The following BRI3 variants were observed in gnomAD, a reference collection of about 807,000 sequenced individuals.
BRI3 encodes the protein brain protein I3, also known as membrane protein BRI3.
Under a neutral mutation model 12.8 loss-of-function variants are expected in BRI3, and 6 were observed. The ratio of observed to expected loss-of-function variants is 0.47; its 90% CI spans 0.26 to 0.93. The LOEUF (loss-of-function observed/expected upper bound fraction) is 0.93. Among genes scored for constraint, BRI3 ranks in the 40% least tolerant of loss-of-function variants. The pLI, the probability that BRI3 is intolerant of heterozygous loss-of-function variation, is 0.15. For synonymous variants in BRI3, 91 were observed against 76.1 expected, an observed-to-expected ratio of 1.20 and a Z score of -1.02; for missense variants, 134 against 171.1, an observed-to-expected ratio of 0.78 and a Z score of 1.21.
downstream of BRI3, chr7:98,292,614 G>C: frequency 9.7e-6 from 15 of 1,551,246 alleles, no homozygotes; most frequent in Non-Finnish European, 1.2e-5. Context: ...ATGGCTGCTA[G>C]GCTGAAAAAC....
chr7:98,308,656 A>G, exon 2 of BRI3: 1 of 230,884 alleles, frequency 4.3e-6, no homozygotes, highest in Non-Finnish European at 8.8e-6. Flanking sequence ...AGGGGAAAAA[A>G]GGTAGAAAAA....
the BRI3 span, among the ~76,000 whole-genome samples, chr7:98,318,554 C>G: frequency 6.6e-6 from 1 of 150,636 alleles, no homozygotes; most frequent in East Asian, 2.0e-4. Flanking sequence ...GCTGGGATTA[C>G]AGGCGTGAGC....
At chr7:98,310,180 A>G in exon 2 of BRI3, 1 of 392,788 alleles carries the variant, frequency 2.5e-6, no homozygotes. Flanking sequence ...ATAATTCTCA[A>G]CAGTATGTTT....
At chr7:98,310,625 T>C (rs746378034), downstream of BRI3, 1 of 1,510,440 alleles carries the variant, frequency 6.6e-7, no homozygotes, top group South Asian at 1.3e-5. Flanking sequence ...CCAATATTAG[T>C]ATAGTGCAGA....
chr7:98,310,440 C>T, exon 2 of BRI3: 9 of 1,583,016 alleles, frequency 5.7e-6, no homozygotes, highest in Non-Finnish European at 7.7e-6. Context: ...GACTGAATCT[C>T]TTACCTGTTG....
At chr7:98,293,568 G>A, downstream of BRI3, 1 of 1,613,940 alleles carries the variant, frequency 6.2e-7, no homozygotes, top group Non-Finnish European at 8.5e-7. Flanking sequence ...GTCGGGCGGA[G>A]TTTCACAGTG....
At chr7:98,282,740 A>T in intron 2 of BRI3, 1 of 378,746 alleles carries the variant, frequency 2.6e-6, no homozygotes, top group East Asian at 5.1e-5. Context: ...AATGGTAACA[A>T]CGGGACTCGT....
intron 1 of BRI3, among the ~76,000 whole-genome samples, chr7:98,301,270 C>T (rs559364699): frequency 3.1e-4 from 47 of 152,306 alleles, no homozygotes; most frequent in African/African-American, 1.1e-3. Flanking sequence ...CTGGATGGGC[C>T]TTCTCATCGA....
the BRI3 span, among the ~76,000 whole-genome samples, chr7:98,322,061 A>C: frequency 6.6e-6 from 1 of 152,048 alleles, no homozygotes; most frequent in Non-Finnish European, 1.5e-5. Flanking sequence ...GCGCCACTGC[A>C]CTCCAGCCTG....
At chr7:98,318,722 A>C in the BRI3 span, among the ~76,000 whole-genome samples, 81 of 151,074 alleles carry the variant, frequency 5.4e-4, no homozygotes, top group African/African-American at 1.8e-3. Context: ...AGGCAGGTGC[A>C]CCACGAGGTC....
At chr7:98,302,039 G>A (rs953030087), upstream of BRI3, among the ~76,000 whole-genome samples, 1 of 152,174 alleles carries the variant, frequency 6.6e-6, no homozygotes, top group African/African-American at 2.4e-5. Flanking sequence ...CCGTGCGCTG[G>A]CAGTCTCCCG....
At chr7:98,320,176 C>T in the BRI3 span, 1 of 1,590,916 alleles carries the variant, frequency 6.3e-7, no homozygotes, top group Non-Finnish European at 8.6e-7. Context: ...AGATTTTAAG[C>T]AAAATAAGTT....
chr7:98,295,846 G>A (rs778533638), downstream of BRI3, among the ~76,000 whole-genome samples: 4 of 152,270 alleles, frequency 2.6e-5, no homozygotes, highest in African/African-American at 2.4e-5. Flanking sequence ...CACAAAGAAC[G>A]CAGCAAGAAG....
the BRI3 span, among the ~76,000 whole-genome samples, chr7:98,316,416 T>C: frequency 7.2e-5 from 11 of 152,196 alleles, no homozygotes; most frequent in African/African-American, 2.4e-4. Flanking sequence ...TCCCTTCTTC[T>C]TTCAGAGCCA....
chr7:98,317,670 C>T, the BRI3 span, among the ~76,000 whole-genome samples: 1 of 151,840 alleles, frequency 6.6e-6, no homozygotes, highest in African/African-American at 2.4e-5. Flanking sequence ...CTGGGACCCT[C>T]ACTCATTTCA....
At chr7:98,315,431 C>T (rs755610892), downstream of BRI3, 2 of 1,372,968 alleles carry the variant, frequency 1.5e-6, no homozygotes, top group East Asian at 2.7e-5. Context: ...GTTATTAATA[C>T]GCTCAAGGCA....
At position 98,291,293 on chromosome 7, in the gene BRI3, T is replaced by TA; in HGVS notation, c.*53dup. Reference sequence around the variant, plus strand: ...TACACCCAGCTCTCTTTTTCTAATGTAAATGTTGTGTACAATAATTTTATT... The same window carrying TA: ...TACACCCAGCTCTCTTTTTCTAATGTAAAATGTTGTGTACAATAATTTTATT... On this transcript the variant is annotated 3_prime_UTR_variant, in exon 3 of 3. Transcript: ENST00000297290. 1.2e-6 allele frequency: 2 copies of TA among 1,609,462 alleles called. No individual in the cohort carries two copies. Among genetic ancestry groups the TA allele is most frequent in the Non-Finnish European group, 1.7e-6 (2 of 1,178,538 alleles).
chr7:98,295,272 G>A (rs760444739), downstream of BRI3, among the ~76,000 whole-genome samples: 4 of 152,176 alleles, frequency 2.6e-5, no homozygotes, highest in Admixed American at 2.6e-4. Flanking sequence ...GGGAGCCCCA[G>A]GGCTGTGCCT....
Position 98,289,875 on chromosome 7 carries a change from G to A in BRI3, c.246-1236G>A, listed in dbSNP as rs369256800. The stretch of plus-strand genomic sequence containing the variant: ...ACAGTTGGGTTCGATGATGATTTCA[G>A]GTCACTGAACCTAGGCTCACTGGCG... On this transcript the variant is annotated intron_variant, in intron 2 of 2. Coordinates refer to ENST00000297290, the MANE Select transcript of BRI3 (RefSeq NM_015379.5). Among the ~76,000 whole-genome samples, 63 of 152,340 alleles carry A rather than the reference G, an allele frequency of 4.1e-4. 1 individual carries two copies. In the South Asian group the frequency reaches 0.013, roughly 32 times the overall value.
Sources: allele counts gnomAD v4.1 joint callset (sites outside exome capture counted in the v4.1 genomes callset), GRCh38; gene constraint gnomAD v4.1.1; transcripts MANE v1.5; gene names NCBI Gene and HGNC (gene_info 2026-07-23, HGNC 2026-07-21).